The following HSF5 variants were observed in gnomAD, a reference collection of about 807,000 sequenced individuals.
The protein encoded by HSF5 is heat shock transcription factor 5, also known as heat shock factor protein 5.
HSF5 carries 5 observed loss-of-function variants against 50.8 expected under a neutral mutation model. The ratio of observed to expected loss-of-function variants is 0.10; its 90% CI spans 0.05 to 0.21. The LOEUF (loss-of-function observed/expected upper bound fraction) is 0.21. Among genes scored for constraint, HSF5 ranks in the 10% least tolerant of loss-of-function variants. The pLI is 1.00. For missense variants in HSF5, 564 were observed against 762.6 expected (o/e 0.74, Z 3.07); for synonymous variants, 307 against 307.4 (o/e 1.00, Z 0.02).
At chr17:58,481,206 G>C (rs1234249183) in intron 1 of HSF5, among the ~76,000 whole-genome samples, 1 of 152,076 alleles carries the variant, frequency 6.6e-6, no homozygotes, top group Non-Finnish European at 1.5e-5. Flanking sequence ...TCTTTCTTCA[G>C]AGTCTTTCCA....
intron 5 of HSF5, among the ~76,000 whole-genome samples, chr17:58,452,739 C>T (rs1009081977): frequency 6.6e-6 from 1 of 152,258 alleles, no homozygotes; most frequent in African/African-American, 2.4e-5. Context: ...ATGTGAGGAG[C>T]ACCTCTGCCT....
chr17:58,482,940 TTAA>T (rs1567919860), intron 1 of HSF5, among the ~76,000 whole-genome samples: 5 of 144,942 alleles, frequency 3.4e-5, no homozygotes, highest in Non-Finnish European at 4.6e-5. Context: ...ACTCTGTCTT[TTAA>T]AAAAAAAAAA....
At chr17:58,430,061 T>TTTTGG (rs1752279602) in intron 5 of HSF5, among the ~76,000 whole-genome samples, 1 of 151,810 alleles carries the variant, frequency 6.6e-6, no homozygotes, top group South Asian at 2.1e-4. Flanking sequence ...TTTTTTACTG[T>TTTTGG]TTTTGTTTTG....
chr17:58,478,990 C>A (rs1485668579), intron 2 of HSF5, among the ~76,000 whole-genome samples: 1 of 151,524 alleles, frequency 6.6e-6, no homozygotes, highest in Non-Finnish European at 1.5e-5. Context: ...GATCTACCAG[C>A]GTGTTCTCAA....
intron 2 of HSF5, among the ~76,000 whole-genome samples, chr17:58,467,288 A>G (rs1974880250): frequency 6.6e-6 from 1 of 152,220 alleles, no homozygotes; most frequent in African/African-American, 2.4e-5. Flanking sequence ...ATTTCATTTT[A>G]TTGAAAATAG....
intron 2 of HSF5, among the ~76,000 whole-genome samples, chr17:58,467,991 G>A (rs116316188): frequency 6.6e-6 from 1 of 152,274 alleles, no homozygotes; most frequent in African/African-American, 2.4e-5. Flanking sequence ...TACATACATT[G>A]CCTTTACAAA....
intron 5 of HSF5, among the ~76,000 whole-genome samples, chr17:58,439,281 CA>C (rs1244483556): frequency 7.3e-6 from 1 of 137,362 alleles, no homozygotes. Flanking sequence ...AAAAAAAAAA[CA>C]AAAACAACAA....
chr17:58,451,358 A>T (rs1974638924), intron 5 of HSF5, among the ~76,000 whole-genome samples: 1 of 152,252 alleles, frequency 6.6e-6, no homozygotes, highest in African/African-American at 2.4e-5. Flanking sequence ...CATTTACAGA[A>T]GATTGCACCC....
intron 2 of HSF5, 144 bp from the exon 3 acceptor site, chr17:58,467,123 G>T (rs776441987): frequency 1.7e-6 from 1 of 597,510 alleles, no homozygotes; most frequent in South Asian, 2.0e-5. Context: ...GTCCAATTAG[G>T]TGGTGTTATT....
chr17:58,484,893 T>C (rs1386283320), intron 1 of HSF5, among the ~76,000 whole-genome samples: 1 of 152,006 alleles, frequency 6.6e-6, no homozygotes, highest in African/African-American at 2.4e-5. Context: ...TTGAACATAG[T>C]GTTATTTTAT....
chr17:58,434,188 C>T (rs1345011307), intron 5 of HSF5, among the ~76,000 whole-genome samples: 2 of 151,996 alleles, frequency 1.3e-5, no homozygotes, highest in African/African-American at 2.4e-5. Flanking sequence ...GCTGGGATTA[C>T]AGGCGTGAGC....
At chr17:58,446,462 C>G (rs571500823) in intron 5 of HSF5, among the ~76,000 whole-genome samples, 2 of 152,278 alleles carry the variant, frequency 1.3e-5, no homozygotes, top group Admixed American at 1.3e-4. Flanking sequence ...GAACTTAGTA[C>G]TGGTGCCATC....
At chr17:58,431,931 G>T (rs1974369981) in intron 5 of HSF5, among the ~76,000 whole-genome samples, 1 of 152,196 alleles carries the variant, frequency 6.6e-6, no homozygotes, top group East Asian at 1.9e-4. Context: ...GCATTCAGGG[G>T]ACAGTGGAAA....
chr17:58,440,671 G>C (rs1299074896), intron 5 of HSF5, among the ~76,000 whole-genome samples: 1 of 152,128 alleles, frequency 6.6e-6, no homozygotes, highest in East Asian at 1.9e-4. Context: ...GGAATTACCA[G>C]AATTCAGCAA....
At chr17:58,482,448 C>G (rs956358425) in intron 1 of HSF5, among the ~76,000 whole-genome samples, 7 of 151,982 alleles carry the variant, frequency 4.6e-5, no homozygotes, top group Non-Finnish European at 1.0e-4. Context: ...GTGGCTCACA[C>G]TTGTAACACT....
At chr17:58,482,089 A>G (rs1975105315) in intron 1 of HSF5, among the ~76,000 whole-genome samples, 1 of 149,484 alleles carries the variant, frequency 6.7e-6, no homozygotes, top group South Asian at 2.2e-4. Flanking sequence ...TGGATGACAG[A>G]GTGAGATCCT....
chr17:58,487,788 C>T lies in HSF5; in HGVS notation c.487G>A (p.Ala163Thr). 1 of 1,507,028 alleles carries T rather than the reference C, an allele frequency of 6.6e-7. No individual in the cohort carries two copies. Among genetic ancestry groups the T allele is most frequent in the East Asian group, 2.7e-5 (1 of 37,590 alleles). The allele number at this position is 1,507,028 out of a possible 1,614,324, so 93.4% of individuals were successfully genotyped here. A position where few individuals can be genotyped will look rare whatever the true frequency, so the allele number is the denominator to read the frequency against. ...QRLLITSASA[A>T]TAPLQHQQPP... is the part of the protein sequence containing the mutation. ...TGCTGGTGCTGCAGTGGCGCGGTGG[C>T]GGCGGAGGCCGAGGTGATGAGCAGC... The change falls in exon 1 of 6, where the codon GCC (alanine) becomes ACC (threonine). Residue 163 changes from alanine to threonine, a missense_variant. This residue lies in a region of HSF5 where 441 missense variants were observed against 533.6 expected (regional missense o/e 0.83). Transcript: ENST00000323777.
At chr17:58,479,032 T>C (rs1392878430) in intron 2 of HSF5, among the ~76,000 whole-genome samples, 2 of 152,020 alleles carry the variant, frequency 1.3e-5, no homozygotes, top group Non-Finnish European at 2.9e-5. Flanking sequence ...TCAGTTGTCA[T>C]TGTCAGGTTT....
chr17:58,460,448 G>C (rs1974775680), intron 4 of HSF5, among the ~76,000 whole-genome samples: 1 of 147,600 alleles, frequency 6.8e-6, no homozygotes, highest in African/African-American at 2.5e-5. Flanking sequence ...GAAATAAAAA[G>C]TTTAAAACAC....
Sources: allele counts gnomAD v4.1 joint callset (sites outside exome capture counted in the v4.1 genomes callset), GRCh38; gene constraint gnomAD v4.1.1; regional missense constraint gnomAD v4.1.1; transcripts MANE v1.5; gene names NCBI Gene and HGNC (gene_info 2026-07-23, HGNC 2026-07-21).